SYNDIG1: variants seen among roughly 807,000 people sequenced by gnomAD.
SYNDIG1 encodes the protein synapse differentiation inducing 1.
A neutral mutation model predicts 19.4 loss-of-function variants in SYNDIG1; 9 were observed. The ratio of observed to expected loss-of-function variants is 0.46; its 90% CI spans 0.28 to 0.81. The LOEUF is 0.81. Among genes scored for constraint, SYNDIG1 ranks in the 30% least tolerant of loss-of-function variants. The pLI, the probability that SYNDIG1 is intolerant of heterozygous loss-of-function variation, is 0.12. For synonymous variants in SYNDIG1, 141 were observed against 145.9 expected (o/e 0.97, Z 0.24); for missense variants, 311 against 343.3 (o/e 0.91, Z 0.74).
At chr20:24,483,847 A>G (rs1314319023) in intron 1 of SYNDIG1, among the ~76,000 whole-genome samples, 1 of 152,122 alleles carries the variant, frequency 6.6e-6, no homozygotes, top group African/African-American at 2.4e-5. Flanking sequence ...ACTTTGCTTG[A>G]CACGGTGCAA....
intron 2 of SYNDIG1, among the ~76,000 whole-genome samples, chr20:24,583,670 T>C (rs973309497): frequency 6.6e-6 from 1 of 152,178 alleles, no homozygotes; most frequent in African/African-American, 2.4e-5. Context: ...GGCCCAGCCA[T>C]TCAGCCTCCT....
chr20:24,622,629 C>G (rs188203003), intron 3 of SYNDIG1, among the ~76,000 whole-genome samples: 9 of 152,180 alleles, frequency 5.9e-5, no homozygotes, highest in African/African-American at 2.2e-4. Flanking sequence ...TGCCTGATGA[C>G]CTGAGATGGA....
chr20:24,515,888 C>A (rs2056851507), intron 1 of SYNDIG1, among the ~76,000 whole-genome samples: 1 of 152,186 alleles, frequency 6.6e-6, no homozygotes, highest in Admixed American at 6.5e-5. Context: ...CAAGACAATC[C>A]TAAGCCAAAA....
chr20:24,586,605 G>A (rs1369277865), intron 3 of SYNDIG1, among the ~76,000 whole-genome samples: 5 of 152,232 alleles, frequency 3.3e-5, no homozygotes, highest in Admixed American at 6.5e-5. Flanking sequence ...TTGGGCCCGG[G>A]AGCTGGACAG....
intron 3 of SYNDIG1, among the ~76,000 whole-genome samples, chr20:24,652,450 C>A (rs936602624): frequency 2.0e-5 from 3 of 152,222 alleles, no homozygotes; most frequent in Non-Finnish European, 1.5e-5. Flanking sequence ...GAAGGGCCAT[C>A]AGAAGAGGCT....
At chr20:24,597,045 C>G (rs6114791) in intron 3 of SYNDIG1, 1 of 152,046 alleles carries the variant, frequency 6.6e-6, no homozygotes, top group Non-Finnish European at 1.5e-5. Flanking sequence ...CCTGGGTGTG[C>G]GGAAGGCCGT....
intron 1 of SYNDIG1, among the ~76,000 whole-genome samples, chr20:24,506,383 A>G (rs1188493984): frequency 6.6e-6 from 1 of 152,242 alleles, no homozygotes; most frequent in African/African-American, 2.4e-5. Context: ...GTTGTCAGGA[A>G]ACCACTCCAG....
At chr20:24,497,617 T>C (rs6049739) in intron 1 of SYNDIG1, among the ~76,000 whole-genome samples, 23,688 of 152,192 alleles carry the variant, frequency 0.16, 3,547 homozygotes, top group African/African-American at 0.39. Flanking sequence ...GTACTGCCCA[T>C]GCCATACAGA....
intron 3 of SYNDIG1, among the ~76,000 whole-genome samples, chr20:24,611,711 A>T (rs1170581602): frequency 1.3e-5 from 2 of 152,088 alleles, no homozygotes; most frequent in African/African-American, 2.4e-5. Context: ...TCCACAGGAA[A>T]TGGGCCAGGA....
intron 2 of SYNDIG1, among the ~76,000 whole-genome samples, chr20:24,574,450 C>G (rs2058194945): frequency 6.6e-6 from 1 of 151,994 alleles, no homozygotes; most frequent in Non-Finnish European, 1.5e-5. Context: ...GATTGTGCCA[C>G]TGCATTCCAG....
At position 24,479,517 on chromosome 20, in the gene SYNDIG1, C is replaced by T. The variant is rs559823695; in HGVS notation, c.-79+9764C>T. Among the ~76,000 whole-genome samples, 833 of 152,304 alleles carry T rather than the reference C, an allele frequency of 5.5e-3. 6 individuals are homozygous for T. The highest frequency in any genetic ancestry group is 0.019 in the African/African-American group (790 of 41,548). ...GCTCCCTCCAGCCCCTCAGGCTTCC[C>T]TTCCCATGCCCCTTCCTCTGATAAT... On this transcript the variant is annotated intron_variant, in intron 1 of 3. Transcript: ENST00000376862.
intron 1 of SYNDIG1, among the ~76,000 whole-genome samples, chr20:24,520,254 C>A (rs2056976162): frequency 6.6e-6 from 1 of 150,464 alleles, no homozygotes; most frequent in Admixed American, 6.6e-5. Context: ...GTTTTTATAT[C>A]TTACATAATA....
At chr20:24,628,699 T>G (rs970954284) in intron 3 of SYNDIG1, among the ~76,000 whole-genome samples, 1 of 152,182 alleles carries the variant, frequency 6.6e-6, no homozygotes, top group East Asian at 1.9e-4. Flanking sequence ...GAGGGGAGTC[T>G]GGCTGCAGCC....
chr20:24,529,901 G>A (rs2057210068), intron 1 of SYNDIG1, among the ~76,000 whole-genome samples: 1 of 56,048 alleles, frequency 1.8e-5, no homozygotes, highest in Non-Finnish European at 3.6e-5. Flanking sequence ...TGAGGGTGAT[G>A]GTAGTACTCC....
chr20:24,556,777 A>T (rs2146841816), intron 2 of SYNDIG1, among the ~76,000 whole-genome samples: 1 of 152,206 alleles, frequency 6.6e-6, no homozygotes, highest in East Asian at 1.9e-4. Context: ...TCTGACAATT[A>T]TGTGTCTTGG....
At chr20:24,542,931 TG>T in intron 1 of SYNDIG1, 88 bp from the exon 2 acceptor site, 1 of 982,168 alleles carries the variant, frequency 1.0e-6, no homozygotes, top group Non-Finnish European at 1.5e-6. Context: ...ATCAGCTGGC[TG>T]GTACAGTCTG....
chr20:24,656,729 T>G (rs1373061088), intron 3 of SYNDIG1, among the ~76,000 whole-genome samples: 1 of 152,256 alleles, frequency 6.6e-6, no homozygotes, highest in African/African-American at 2.4e-5. Flanking sequence ...ACTTGAGCAG[T>G]GCCAGCCCCG....
chr20:24,642,542 C>T (rs887478408), intron 3 of SYNDIG1, among the ~76,000 whole-genome samples: 8 of 152,092 alleles, frequency 5.3e-5, no homozygotes, highest in Non-Finnish European at 1.0e-4. Context: ...ATTTGTCTAC[C>T]CTCCTCCATT....
chr20:24,528,260 C>A (rs1182117156), intron 1 of SYNDIG1, among the ~76,000 whole-genome samples: 1 of 152,114 alleles, frequency 6.6e-6, no homozygotes, highest in Non-Finnish European at 1.5e-5. Context: ...TGTAAAGTAT[C>A]CTAAGTATGG....
Sources: gnomAD v4.1 joint callset for allele counts (sites outside exome capture counted in the v4.1 genomes callset) on GRCh38, gnomAD v4.1.1 for gene constraint, MANE v1.5 for transcripts, NCBI Gene and HGNC (gene_info 2026-07-23, HGNC 2026-07-21) for gene names.